COL26A1: variants seen among roughly 807,000 people sequenced by gnomAD.
The protein encoded by COL26A1 is collagen alpha-1(XXVI) chain.
Under a neutral mutation model 59.3 loss-of-function variants are expected in COL26A1, and 41 were observed. The ratio of observed to expected loss-of-function variants is 0.69; its 90% CI spans 0.54 to 0.90. The LOEUF (loss-of-function observed/expected upper bound fraction) is 0.90, where lower values mean the gene tolerates loss of function less well. Among genes scored for constraint, COL26A1 ranks in the 40% least tolerant of loss-of-function variants. The pLI, the probability that COL26A1 is intolerant of heterozygous loss-of-function variation, is 0.00. For synonymous variants in COL26A1, 266 were observed against 256.0 expected (o/e 1.04, Z -0.37); for missense variants, 612 against 602.3 (o/e 1.02, Z -0.17).
intron 3 of COL26A1, among the ~76,000 whole-genome samples, chr7:101,519,046 T>C (rs1456953883): frequency 6.6e-6 from 1 of 152,200 alleles, no homozygotes; most frequent in African/African-American, 2.4e-5. Context: ...GGAACAGTGT[T>C]GCTGATAAAT....
chr7:101,512,576 C>T (rs775846544), intron 3 of COL26A1, among the ~76,000 whole-genome samples: 2 of 152,126 alleles, frequency 1.3e-5, no homozygotes, highest in African/African-American at 4.8e-5. Flanking sequence ...GAGCTATGAT[C>T]GTGCCACTGC....
chr7:101,533,101 G>C lies in COL26A1; in HGVS notation c.405G>C (p.Arg135=). ...TTTCAGAATGCATGAACTGCACCCG[G>C]CTCAGTGACATGAGTGAGCGACTGA... The part of the protein sequence containing the change: ...NCDEECMNCT[R]LSDMSERLTT... Residue 135 remains arginine (R), a synonymous_variant, in exon 4 of 13, where the codon CGG becomes CGC. Coordinates refer to ENST00000313669, the MANE Select transcript of COL26A1 (RefSeq NM_001278563.3). The C allele has an allele frequency of 6.2e-7, 1 of 1,607,748 alleles. No homozygotes were observed. Among genetic ancestry groups the C allele is most frequent in the East Asian group, 2.2e-5 (1 of 44,694 alleles).
chr7:101,426,062 A>G (rs1162373486), intron 2 of COL26A1, among the ~76,000 whole-genome samples: 1 of 152,036 alleles, frequency 6.6e-6, no homozygotes, highest in African/African-American at 2.4e-5. Context: ...CCTGACCTCA[A>G]GTGATCCACC....
At chr7:101,449,540 C>T (rs969858088) in intron 3 of COL26A1, among the ~76,000 whole-genome samples, 2 of 152,030 alleles carry the variant, frequency 1.3e-5, no homozygotes, top group Admixed American at 6.6e-5. Flanking sequence ...AGGCTGAAGC[C>T]GGAGGATCGC....
At chr7:101,407,628 G>C (rs140501915) in intron 1 of COL26A1, among the ~76,000 whole-genome samples, 3 of 151,984 alleles carry the variant, frequency 2.0e-5, no homozygotes, top group African/African-American at 7.2e-5. Context: ...TGAGGTAGGA[G>C]ATGGGATTTG....
chr7:101,426,570 G>C (rs1263211206), intron 2 of COL26A1, among the ~76,000 whole-genome samples: 1 of 152,178 alleles, frequency 6.6e-6, no homozygotes, highest in Non-Finnish European at 1.5e-5. Flanking sequence ...CTATCAGAGA[G>C]TACAGCCTTT....
chr7:101,485,131 C>T lies in COL26A1; in HGVS notation c.385+37344C>T, dbSNP rs72615170. ...CTTCCCAAAGTGTTGGGATTACAGG[C>T]GTAAGCCACCATGCCCGGCCTCACA... On this transcript the variant is annotated intron_variant, in intron 3 of 12. Coordinates refer to ENST00000313669, the MANE Select transcript of COL26A1 (RefSeq NM_001278563.3). Among the ~76,000 whole-genome samples, 1,454 of 152,132 alleles carry T rather than the reference C, an allele frequency of 9.6e-3. 92 individuals are homozygous for T. In the East Asian group the frequency reaches 0.19, roughly 20 times the overall value.
chr7:101,383,998 T>C (rs2117035041), intron 1 of COL26A1, among the ~76,000 whole-genome samples: 1 of 150,482 alleles, frequency 6.6e-6, no homozygotes, highest in African/African-American at 2.5e-5. Context: ...GAAGGCAATA[T>C]TTTTTGCAAG....
At chr7:101,491,095 A>G (rs1794449500) in intron 3 of COL26A1, among the ~76,000 whole-genome samples, 2 of 151,004 alleles carry the variant, frequency 1.3e-5, no homozygotes, top group South Asian at 2.1e-4. Context: ...AAAAAAAAGC[A>G]CTATTACCTT....
intron 3 of COL26A1, among the ~76,000 whole-genome samples, chr7:101,483,386 C>T (rs921817455): frequency 3.3e-5 from 5 of 151,704 alleles, no homozygotes; most frequent in Non-Finnish European, 5.9e-5. Flanking sequence ...TTAGTAGAGA[C>T]GGGGTTTCAC....
rs1794319409 is a variant in COL26A1, at chr7:101,488,541, A to AT, written c.385+40760dup. On this transcript the variant is annotated intron_variant, in intron 3 of 12. Coordinates refer to ENST00000313669, the MANE Select transcript of COL26A1 (RefSeq NM_001278563.3). Reference sequence around the variant, plus strand: ...TAGGTGCCCGCCACCACGCCCGGCTATTTTTTGTATTTTCAGTAGAGACAG... The same window carrying AT: ...TAGGTGCCCGCCACCACGCCCGGCTATTTTTTTGTATTTTCAGTAGAGACAG... Among the ~76,000 whole-genome samples the AT allele has an allele frequency of 2.7e-5, 4 of 150,800 alleles. 1 individual carries two copies. The South Asian group carries it at 6.3e-4, about 24-fold the overall frequency.
chr7:101,494,867 C>T (rs1295813835), intron 3 of COL26A1, among the ~76,000 whole-genome samples: 1 of 152,158 alleles, frequency 6.6e-6, no homozygotes, highest in East Asian at 1.9e-4. Flanking sequence ...GGAAGCGAGA[C>T]CCTCTCTCTG....
intron 2 of COL26A1, among the ~76,000 whole-genome samples, chr7:101,433,765 G>A (rs1037805535): frequency 4.6e-5 from 7 of 152,052 alleles, no homozygotes; most frequent in Non-Finnish European, 1.0e-4. Context: ...AGGAGGGAAG[G>A]CCACAGCAGG....
intron 3 of COL26A1, among the ~76,000 whole-genome samples, chr7:101,468,831 G>A (rs1011421546): frequency 6.6e-6 from 1 of 152,180 alleles, no homozygotes; most frequent in Non-Finnish European, 1.5e-5. Flanking sequence ...AGCCCTTGGC[G>A]CTCAGCTGAG....
intron 2 of COL26A1, among the ~76,000 whole-genome samples, chr7:101,425,093 A>G (rs1792612244): frequency 6.6e-6 from 1 of 151,428 alleles, no homozygotes; most frequent in East Asian, 2.0e-4. Flanking sequence ...CAGTTAATTT[A>G]AAAAAAATTT....
chr7:101,424,597 C>CA (rs1425456005), intron 2 of COL26A1, among the ~76,000 whole-genome samples: 2 of 151,830 alleles, frequency 1.3e-5, no homozygotes, highest in African/African-American at 2.4e-5. Flanking sequence ...GTCTCCGTCT[C>CA]AAAAAAAATT....
intron 3 of COL26A1, among the ~76,000 whole-genome samples, chr7:101,485,283 C>T (rs1794244018): frequency 6.6e-6 from 1 of 152,220 alleles, no homozygotes; most frequent in African/African-American, 2.4e-5. Context: ...GCCTCACCTG[C>T]CTGAGCCCTG....
chr7:101,382,816 C>T (rs563706860), intron 1 of COL26A1, among the ~76,000 whole-genome samples: 1 of 152,208 alleles, frequency 6.6e-6, no homozygotes, highest in Non-Finnish European at 1.5e-5. Context: ...GAGGCTGAGG[C>T]GGGCAGACTG....
At chr7:101,530,242 C>T (rs1359583992) in intron 3 of COL26A1, among the ~76,000 whole-genome samples, 3 of 151,976 alleles carry the variant, frequency 2.0e-5, no homozygotes, top group Admixed American at 2.0e-4. Context: ...CTTCTTTCAG[C>T]CGCACAGGAA....
Sources: allele counts gnomAD v4.1 joint callset (sites outside exome capture counted in the v4.1 genomes callset), GRCh38; gene constraint gnomAD v4.1.1; transcripts MANE v1.5; gene names NCBI Gene and HGNC (gene_info 2026-07-23, HGNC 2026-07-21).